Variants in RYR3 observed in about 807,000 individuals in gnomAD.
The protein encoded by RYR3 is ryanodine receptor 3.
Under a neutral mutation model 584.3 loss-of-function variants are expected in RYR3, and 207 were observed. The observed-to-expected ratio is 0.35, with a 90% CI of 0.32 to 0.40. The LOEUF (loss-of-function observed/expected upper bound fraction) is 0.40, where lower values mean the gene tolerates loss of function less well. Ranked by LOEUF, RYR3 falls within the 10% of genes least tolerant of loss-of-function variation. RYR3 has a pLI of 1.00. For synonymous variants in RYR3, 2,416 were observed against 2,248.5 expected (o/e 1.07, Z -2.11); for missense variants, 5,616 against 6,089.2 (o/e 0.92, Z 2.59).
In RYR3 at chr15:33,790,345, C is replaced by G. The variant is rs560810098; in HGVS notation, c.9830+1887C>G. ...TTGTTTTTCTGTAAGTTGATGGTGGCTGAGGCCAAGATGGTAGCAGTGAAG... is the reference window on the plus strand; with the variant it reads ...TTGTTTTTCTGTAAGTTGATGGTGGGTGAGGCCAAGATGGTAGCAGTGAAG... On this transcript the variant is annotated intron_variant, in intron 67 of 103. Transcript: ENST00000634891. Among the ~76,000 whole-genome samples, 2 of 152,108 alleles carry G rather than the reference C, an allele frequency of 1.3e-5. 1 individual carries two copies. Among genetic ancestry groups the G allele is most frequent in the Middle Eastern group, 6.8e-3 (2 of 294 alleles).
chr15:33,861,856 C>T (rs1888355033), intron 102 of RYR3, among the ~76,000 whole-genome samples: 1 of 152,106 alleles, frequency 6.6e-6, no homozygotes, highest in Admixed American at 6.5e-5. Context: ...AACTCCTGAC[C>T]TCAGGTGATC....
At chr15:33,470,580 GA>G (rs1203755017) in intron 1 of RYR3, among the ~76,000 whole-genome samples, 4 of 152,178 alleles carry the variant, frequency 2.6e-5, no homozygotes, top group African/African-American at 9.6e-5. Context: ...TAAGGAATGC[GA>G]AAGCAAGAGA....
chr15:33,837,118 T>C, intron 88 of RYR3, 131 bp downstream of exon 88: 1 of 681,274 alleles, frequency 1.5e-6, no homozygotes, highest in East Asian at 2.8e-5. Context: ...AGCCAAATTT[T>C]CAGAAACGAA....
intron 39 of RYR3, 63 bp from the exon 40 acceptor site, chr15:33,697,819 C>T: frequency 1.0e-6 from 1 of 1,003,500 alleles, no homozygotes; most frequent in Non-Finnish European, 1.6e-6. Context: ...GTGTTCTCAT[C>T]CCTGAATTTT....
intron 1 of RYR3, among the ~76,000 whole-genome samples, chr15:33,469,698 T>G (rs977536151): frequency 3.3e-5 from 5 of 151,972 alleles, no homozygotes; most frequent in African/African-American, 1.2e-4. Context: ...CAGGTAAAAA[T>G]AGATGGAGGT....
In RYR3 at chr15:33,667,115, A is replaced by G. The variant is rs151169069; in HGVS notation, c.5620-2239A>G. Among the ~76,000 whole-genome samples, 47 of 152,252 alleles carry G rather than the reference A, an allele frequency of 3.1e-4. No individual in the cohort carries two copies. In the East Asian group the frequency reaches 9.1e-3, roughly 29 times the overall value. On this transcript the variant is annotated intron_variant, in intron 36 of 103. Transcript: ENST00000634891. ...CAATACCTCTACCTACTTGCAAAATATGGTTTGCAGTAAGATCTTTGTGTA... is the reference window on the plus strand; with the variant it reads ...CAATACCTCTACCTACTTGCAAAATGTGGTTTGCAGTAAGATCTTTGTGTA...
At chr15:33,850,882 A>T (rs139035804) in intron 94 of RYR3, 3 of 152,168 alleles carry the variant, frequency 2.0e-5, no homozygotes, top group African/African-American at 7.2e-5. Context: ...AATAATTAGC[A>T]ATCAGTGATA....
intron 1 of RYR3, among the ~76,000 whole-genome samples, chr15:33,466,226 C>A (rs2048477285): frequency 1.3e-5 from 2 of 152,042 alleles, no homozygotes; most frequent in Admixed American, 1.3e-4. Flanking sequence ...AGGACTGGTC[C>A]TGGAGCACCA....
intron 57 of RYR3, among the ~76,000 whole-genome samples, chr15:33,753,502 C>T (rs10444861): frequency 0.55 from 83,391 of 152,018 alleles, 24,882 homozygotes; most frequent in East Asian, 0.73. Context: ...GGCTGTGCTA[C>T]GTAGGATCAT....
At chr15:33,441,002 G>A (rs2046183333) in intron 1 of RYR3, among the ~76,000 whole-genome samples, 1 of 152,146 alleles carries the variant, frequency 6.6e-6, no homozygotes, top group East Asian at 1.9e-4. Flanking sequence ...TGAGTCGCTT[G>A]GTGTTGTGTG....
At chr15:33,784,383 C>G (rs1337220539) in intron 65 of RYR3, among the ~76,000 whole-genome samples, 1 of 152,208 alleles carries the variant, frequency 6.6e-6, no homozygotes, top group Non-Finnish European at 1.5e-5. Context: ...CAATGGTAAT[C>G]CCAATGGCAA....
At chr15:33,494,737 G>A (rs2051271468) in intron 2 of RYR3, among the ~76,000 whole-genome samples, 1 of 152,154 alleles carries the variant, frequency 6.6e-6, no homozygotes, top group Admixed American at 6.5e-5. Context: ...TTTGTTAGCA[G>A]TGTCTAAACA....
At chr15:33,777,842 G>A (rs2074106028) in intron 64 of RYR3, among the ~76,000 whole-genome samples, 2 of 152,064 alleles carry the variant, frequency 1.3e-5, no homozygotes, top group African/African-American at 4.8e-5. Context: ...AGCCACCTCG[G>A]GACCCCTTGT....
intron 48 of RYR3, among the ~76,000 whole-genome samples, chr15:33,734,021 G>A (rs941597793): frequency 6.6e-6 from 1 of 152,186 alleles, no homozygotes; most frequent in East Asian, 1.9e-4. Flanking sequence ...TGTATCTACT[G>A]TCTTTGTATT....
Position 33,800,803 on chromosome 15 carries a change from T to C in RYR3, c.9864T>C (p.Ser3288=). Residue 3288 remains serine, a synonymous_variant, in exon 68 of 104, where the codon TCT becomes TCC. Coordinates refer to ENST00000634891, the MANE Select transcript of RYR3 (RefSeq NM_001036.6). ...SNWLKSPDAD[S]DQLFRMVAEV... is the part of the protein sequence containing the mutation. ...GGCTGAAAAGTCCTGATGCTGATTCTGACCAGCTCTTCCGCATGGTGGCAG... is the reference window on the plus strand; with the variant it reads ...GGCTGAAAAGTCCTGATGCTGATTCCGACCAGCTCTTCCGCATGGTGGCAG... 6.2e-7 allele frequency: 1 copy of C among 1,613,906 alleles called. No homozygotes were observed. Among genetic ancestry groups the C allele is most frequent in the Non-Finnish European group, 8.5e-7 (1 of 1,179,746 alleles).
chr15:33,496,143 C>T (rs549231499), intron 2 of RYR3, among the ~76,000 whole-genome samples: 1 of 152,328 alleles, frequency 6.6e-6, no homozygotes, highest in Non-Finnish European at 1.5e-5. Context: ...GAGAAGTCTT[C>T]TCATCCATGT....
intron 102 of RYR3, 21 bp from the exon 103 acceptor site, chr15:33,864,112 CTAATA>C: frequency 6.3e-7 from 1 of 1,583,702 alleles, no homozygotes; most frequent in Non-Finnish European, 8.6e-7. Context: ...ACCAGAGTAT[CTAATA>C]CTATCTTTTC....
chr15:33,839,350 A>G (rs1482764519), intron 89 of RYR3, among the ~76,000 whole-genome samples: 1 of 152,242 alleles, frequency 6.6e-6, no homozygotes, highest in Admixed American at 6.5e-5. Context: ...TCAGTGTCAT[A>G]AAAGGTCAAA....
intron 2 of RYR3, among the ~76,000 whole-genome samples, chr15:33,501,390 G>A (rs1287085531): frequency 1.3e-5 from 2 of 152,140 alleles, no homozygotes; most frequent in African/African-American, 4.8e-5. Context: ...TTTAGCATTT[G>A]GAGCTATGAG....
Sources: gnomAD v4.1 joint callset for allele counts (sites outside exome capture counted in the v4.1 genomes callset) on GRCh38, gnomAD v4.1.1 for gene constraint, MANE v1.5 for transcripts, NCBI Gene and HGNC (gene_info 2026-07-23, HGNC 2026-07-21) for gene names.